The following NOL4L variants were observed in gnomAD, a reference collection of about 807,000 sequenced individuals.
The protein encoded by NOL4L is nucleolar protein 4-like.
NOL4L carries 7 observed loss-of-function variants against 64.5 expected under a neutral mutation model. The ratio of observed to expected loss-of-function variants is 0.11; its 90% confidence interval spans 0.06 to 0.20. The LOEUF (loss-of-function observed/expected upper bound fraction) is 0.20. Ranked by LOEUF, NOL4L falls within the 10% of genes least tolerant of loss-of-function variation. NOL4L has a pLI of 1.00. For missense variants in NOL4L, 680 were observed against 967.1 expected (o/e 0.70, Z 3.94); for synonymous variants, 413 against 401.0 (o/e 1.03, Z -0.36).
At chr20:32,457,357 G>A (rs2013641810) in intron 5 of NOL4L, among the ~76,000 whole-genome samples, 1 of 152,162 alleles carries the variant, frequency 6.6e-6, no homozygotes, top group Non-Finnish European at 1.5e-5. Flanking sequence ...GGGGAGGTAC[G>A]GGTGACCCTG....
At chr20:32,475,877 G>C (rs2015361781) in intron 4 of NOL4L, among the ~76,000 whole-genome samples, 1 of 152,240 alleles carries the variant, frequency 6.6e-6, no homozygotes, top group African/African-American at 2.4e-5. Flanking sequence ...CCAAGTGCTA[G>C]GGAACCAGTG....
At position 32,585,028 on chromosome 20, in the gene NOL4L, G is replaced by A; in HGVS notation, c.-138C>T. The A allele has an allele frequency of 3.0e-6, 1 of 335,508 alleles. No individual in the cohort carries two copies. The highest frequency in any genetic ancestry group is 4.2e-6 in the Non-Finnish European group (1 of 237,452). The allele number at this position is 335,508 out of a possible 1,614,324, so 20.8% of individuals were successfully genotyped here. ...CCCGCGGTGTGGCTCCGGCGAGGCT[G>A]CTGGATGGGCGCGGGCGGCGGCCGG... On this transcript the variant is annotated 5_prime_UTR_variant, in exon 1 of 11. Transcript: ENST00000621426.
At chr20:32,488,581 G>A (rs767027089) in intron 4 of NOL4L, among the ~76,000 whole-genome samples, 17 of 152,188 alleles carry the variant, frequency 1.1e-4, no homozygotes, top group Non-Finnish European at 2.2e-4. Context: ...ACTTGTCACT[G>A]CTTACTATTA....
At chr20:32,517,643 G>T (rs1254455065) in intron 3 of NOL4L, among the ~76,000 whole-genome samples, 1 of 152,186 alleles carries the variant, frequency 6.6e-6, no homozygotes, top group Non-Finnish European at 1.5e-5. Context: ...TGCCTGGCAG[G>T]GCTGGGGGCC....
At position 32,525,334 on chromosome 20, in the gene NOL4L, A is replaced by ACTG. The variant is rs1256009088; in HGVS notation, c.477+2423_477+2424insCAG. ...CAGCCCATCCGCCTGGACAACAGCA[A>ACTG]GTCATAGGGCTTACTAGCTGACCAC... is the stretch of plus-strand genomic sequence containing the variant. On this transcript the variant is annotated intron_variant, in intron 2 of 10. Coordinates refer to ENST00000621426, the MANE Select transcript of NOL4L (RefSeq NM_001256798.2). Among the ~76,000 whole-genome samples the ACTG allele has an allele frequency of 1.6e-4, 24 of 152,342 alleles. No individual in the cohort carries two copies. In the East Asian group the frequency reaches 4.6e-3, roughly 29 times the overall value.
intron 1 of NOL4L, 58 bp downstream of exon 1, chr20:32,584,512 C>T: frequency 1.8e-6 from 2 of 1,106,464 alleles, no homozygotes; most frequent in East Asian, 6.8e-5. Context: ...CCCGCCCCCG[C>T]CCGCCTGCCC....
At chr20:32,452,546 C>A in intron 9 of NOL4L, 109 bp from the exon 10 acceptor site, 2 of 1,041,854 alleles carry the variant, frequency 1.9e-6, no homozygotes, top group South Asian at 3.4e-5. Flanking sequence ...TCCTGGGACC[C>A]AATGCTGCGG....
At chr20:32,508,416 C>T (rs2017225876) in intron 4 of NOL4L, among the ~76,000 whole-genome samples, 1 of 152,222 alleles carries the variant, frequency 6.6e-6, no homozygotes. Context: ...TCATCTTGCG[C>T]CACGTGCCCA....
intron 4 of NOL4L, among the ~76,000 whole-genome samples, chr20:32,506,559 G>T (rs146000707): frequency 0.011 from 1,645 of 152,204 alleles, 34 homozygotes; most frequent in African/African-American, 0.036. Flanking sequence ...TATTCAGGAG[G>T]CTGAGGCAGG....
At chr20:32,520,952 A>G (rs2017910994) in intron 2 of NOL4L, 30 bp from the exon 3 acceptor site, 2 of 1,492,570 alleles carry the variant, frequency 1.3e-6, no homozygotes, top group Non-Finnish European at 1.8e-6. Flanking sequence ...CGCTTGTTAT[A>G]TGGATCTGTG....
intron 6 of NOL4L, among the ~76,000 whole-genome samples, chr20:32,454,489 A>G (rs2013276705): frequency 6.6e-6 from 1 of 151,936 alleles, no homozygotes; most frequent in African/African-American, 2.4e-5. Flanking sequence ...TGCTCCCACC[A>G]CGAGTTTCTC....
At chr20:32,452,652 C>G (rs1221353378) in intron 9 of NOL4L, among the ~76,000 whole-genome samples, 3 of 152,192 alleles carry the variant, frequency 2.0e-5, no homozygotes, top group Non-Finnish European at 2.9e-5. Context: ...CGTATTTGAT[C>G]AGGGCCCTCT....
Position 32,496,120 on chromosome 20 carries a change from A to G in NOL4L, c.699+15227T>C, listed in dbSNP as rs116487001. ...GTGCACCCGGCTGGCAGGCCCTGGG[A>G]GAGCTGCCTTTGAAGACGGCTCCCA... On this transcript the variant is annotated intron_variant, in intron 4 of 10. Coordinates refer to ENST00000621426, the MANE Select transcript of NOL4L (RefSeq NM_001256798.2). 4.2e-3 allele frequency among the ~76,000 whole-genome samples: 637 copies of G among 152,204 alleles called. 2 individuals are homozygous for G. The highest frequency in any genetic ancestry group is 0.015 in the African/African-American group (614 of 41,526).
At chr20:32,524,454 C>T (rs1237151076) in intron 2 of NOL4L, among the ~76,000 whole-genome samples, 1 of 152,216 alleles carries the variant, frequency 6.6e-6, no homozygotes, top group African/African-American at 2.4e-5. Flanking sequence ...GCTCTTTTCC[C>T]TACCAAATAA....
chr20:32,579,167 A>G lies in NOL4L; in HGVS notation c.321+5403T>C, dbSNP rs535678681. Among the ~76,000 whole-genome samples, 8 of 152,338 alleles carry G rather than the reference A, an allele frequency of 5.3e-5. No individual in the cohort carries two copies. In the East Asian group the frequency reaches 1.5e-3, roughly 29 times the overall value. On this transcript the variant is annotated intron_variant, in intron 1 of 10. Coordinates refer to ENST00000621426, the MANE Select transcript of NOL4L (RefSeq NM_001256798.2). ...TGCAAGCACACGCAGTCACACCCGC[A>G]GCTGCCAAGGCCCACAGCCCAGGTG...
chr20:32,576,065 G>GCAGC (rs1275735988), intron 1 of NOL4L, among the ~76,000 whole-genome samples: 1 of 152,246 alleles, frequency 6.6e-6, no homozygotes, highest in Non-Finnish European at 1.5e-5. Flanking sequence ...AGAGCAGTGG[G>GCAGC]CAGCCAGGGC....
At chr20:32,526,061 ATT>A (rs58923296) in intron 2 of NOL4L, among the ~76,000 whole-genome samples, 2 of 148,550 alleles carry the variant, frequency 1.3e-5, no homozygotes, top group East Asian at 2.0e-4. Flanking sequence ...CCTGGCCCCA[ATT>A]TTTTTTTTTA....
chr20:32,498,944 A>G (rs1248451204), intron 4 of NOL4L, among the ~76,000 whole-genome samples: 2 of 151,824 alleles, frequency 1.3e-5, no homozygotes, highest in Non-Finnish European at 2.9e-5. Context: ...CAGTGGTGCA[A>G]TCTCAGCTCA....
intron 1 of NOL4L, among the ~76,000 whole-genome samples, chr20:32,552,470 T>C (rs1229413390): frequency 1.3e-5 from 2 of 152,142 alleles, no homozygotes; most frequent in Admixed American, 1.3e-4. Flanking sequence ...GCGGATGACC[T>C]GAGGTCAGGG....
Sources: gnomAD v4.1 joint callset for allele counts (sites outside exome capture counted in the v4.1 genomes callset) on GRCh38, gnomAD v4.1.1 for gene constraint, MANE v1.5 for transcripts, NCBI Gene and HGNC (gene_info 2026-07-23, HGNC 2026-07-21) for gene names.